MED8: variants seen among roughly 807,000 people sequenced by gnomAD.
MED8 encodes the protein mediator complex subunit 8, also known as mediator of RNA polymerase II transcription subunit 8.
MED8 carries 22 observed loss-of-function variants against 34.8 expected under a neutral mutation model. The observed-to-expected ratio is 0.63, with a 90% confidence interval of 0.45 to 0.90. The LOEUF (loss-of-function observed/expected upper bound fraction) is 0.90, where lower values mean the gene tolerates loss of function less well. Ranked by LOEUF, MED8 falls within the 40% of genes least tolerant of loss-of-function variation. MED8 has a pLI of 0.00. For missense variants in MED8, 260 were observed against 326.3 expected, an observed-to-expected ratio of 0.80 and a Z score of 1.57; for synonymous variants, 105 against 120.2, an observed-to-expected ratio of 0.87 and a Z score of 0.83.
chr1:43,384,640 C>G lies in MED8; in HGVS notation c.*402G>C, dbSNP rs1647662881. On this transcript the variant is annotated 3_prime_UTR_variant, in exon 7 of 7. Coordinates refer to ENST00000372457, the MANE Select transcript of MED8 (RefSeq NM_201542.5). ...AGCATAGCCTTATTTGATCTTGTGTCCATCAGCTCACCATTGACGTGAGGC... is the reference window on the plus strand; with the variant it reads ...AGCATAGCCTTATTTGATCTTGTGTGCATCAGCTCACCATTGACGTGAGGC... 1 of 1,492,676 alleles carries G rather than the reference C, an allele frequency of 6.7e-7. No homozygotes were observed. The highest frequency in any genetic ancestry group is 2.5e-5 in the Admixed American group (1 of 40,580). 92.5% of individuals were successfully genotyped at this position (1,492,676 alleles called of 1,614,324 possible). A position where few individuals can be genotyped will look rare whatever the true frequency, so the allele number is the denominator to read the frequency against.
chr1:43,385,764 T>A (rs1647705729), intron 6 of MED8: 1 of 644,330 alleles, frequency 1.6e-6, no homozygotes, highest in Non-Finnish European at 2.6e-6. Context: ...ATTGGAGCAG[T>A]TTCTGTTACT....
chr1:43,385,388 G>A, intron 6 of MED8: 2 of 387,056 alleles, frequency 5.2e-6, no homozygotes, highest in Non-Finnish European at 9.3e-6. Flanking sequence ...AGGTAAAAGA[G>A]TACTATGTTC....
At chr1:43,389,737 G>A (rs755877172) in intron 1 of MED8, 22 bp downstream of exon 1, 1 of 1,604,778 alleles carries the variant, frequency 6.2e-7, no homozygotes, top group Non-Finnish European at 8.5e-7. Flanking sequence ...CCAGCCGCTA[G>A]TACGCCCAAC....
In MED8 at chr1:43,384,073, G is replaced by T. The variant is rs1200582743; in HGVS notation, c.*969C>A. 2.3e-5 allele frequency: 4 copies of T among 171,320 alleles called. No homozygotes were observed. Among genetic ancestry groups the T allele is most frequent in the African/African-American group, 9.5e-5 (4 of 42,170 alleles). 10.6% of individuals were successfully genotyped at this position (171,320 alleles called of 1,614,324 possible). ...ATAAAAGCAGGCAAAGCTACTGGGG[G>T]TTGCCCCCTCCCACCATCATTCTGG... On this transcript the variant is annotated 3_prime_UTR_variant, in exon 7 of 7. Transcript: ENST00000372457.
At position 43,386,681 on chromosome 1, in the gene MED8, C is replaced by A. The variant is rs372178569; in HGVS notation, c.412-11G>T. 66 of 1,605,926 alleles carry A rather than the reference C, an allele frequency of 4.1e-5. No homozygotes were observed. The highest frequency in any genetic ancestry group is 5.0e-5 in the Non-Finnish European group (59 of 1,175,952). ...GCTCTGGATCTGCTTCTGTAACACA[C>A]AAATTTGTGCAGAGATTAGGGTAAC... On this transcript the variant is annotated splice_polypyrimidine_tract_variant and intron_variant, in intron 4 of 6. Coordinates refer to ENST00000372457, the MANE Select transcript of MED8 (RefSeq NM_201542.5). This position sits in a 1 kb window ranked among gnomAD's most constrained non-coding sequence, Gnocchi z 4.9.
Position 43,385,103 on chromosome 1 carries a change from T to C in MED8, c.746A>G (p.Lys249Arg), listed in dbSNP as rs1344724969. The change falls in exon 7 of 7, where the codon AAA becomes AGA. Residue 249 changes from lysine to arginine, a missense_variant. Physicochemically the swap from Lys to Arg is conservative, Grantham distance 26 (BLOSUM62 2). Coordinates refer to ENST00000372457, the MANE Select transcript of MED8 (RefSeq NM_201542.5). ...GTTGGTTTTTATTCCACTTGGCATT[T>C]TCCCTGAAAGGAACATTAAAAAAGT... ...VQMAQAGQPG[K>R]MPSGIKTNIK... 6.4e-7 allele frequency: 1 copy of C among 1,554,400 alleles called. No individual in the cohort carries two copies. Among genetic ancestry groups the C allele is most frequent in the Admixed American group, 2.0e-5 (1 of 51,236 alleles).
At chr1:43,387,348 C>G (rs1163883542) in intron 3 of MED8, among the ~76,000 whole-genome samples, 155 bp downstream of exon 3, 1 of 152,186 alleles carries the variant, frequency 6.6e-6, no homozygotes, top group Non-Finnish European at 1.5e-5. Flanking sequence ...TATTACAGCA[C>G]TATTTGGGAG....
chr1:43,385,440 T>C (rs950027487), intron 6 of MED8: 28 of 269,428 alleles, frequency 1.0e-4, no homozygotes, highest in Middle Eastern at 1.2e-3. Context: ...AAGTGCAGAA[T>C]CTCTCTTTAA....
intron 1 of MED8, chr1:43,388,687 T>G (rs1308688819): frequency 2.2e-6 from 1 of 456,860 alleles, no homozygotes. Flanking sequence ...AATCTATGCC[T>G]GGTTTTTCTC....
chr1:43,388,799 G>C (rs1647895629), intron 1 of MED8: 1 of 170,922 alleles, frequency 5.9e-6, no homozygotes, highest in African/African-American at 2.4e-5. Flanking sequence ...ATGCACTCCA[G>C]CTTCCTCCAT....
In MED8 at chr1:43,386,168, A is replaced by G. The variant is rs151047789; in HGVS notation, c.552T>C (p.Ala184=). ...NPTDTNALVA[A]VAFGKGLSNW... is the part of the protein sequence containing the mutation. ...TAGATAGTCCTTTCCCAAAGGCAAC[A>G]GCTGCCACCAAGGCATTAGTGTCTG... The change falls in exon 6 of 7, where the codon GCT becomes GCC. Residue 184 remains alanine (A), a synonymous_variant. Coordinates refer to ENST00000372457, the MANE Select transcript of MED8 (RefSeq NM_201542.5). The surrounding 1 kb of genome is among the most constrained non-coding windows in gnomAD (Gnocchi z 4.9). 1.9e-4 allele frequency: 314 copies of G among 1,614,062 alleles called. 1 individual carries two copies. The highest frequency in any genetic ancestry group is 2.4e-4 in the Non-Finnish European group (289 of 1,179,900).
Position 43,386,300 on chromosome 1 carries a change from A to T in MED8, c.494-74T>A, listed in dbSNP as rs1289655802. On this transcript the variant is annotated intron_variant, in intron 5 of 6. Coordinates refer to ENST00000372457, the MANE Select transcript of MED8 (RefSeq NM_201542.5). This position sits in a 1 kb window ranked among gnomAD's most constrained non-coding sequence, Gnocchi z 4.9. ...TGAACGTGGCAGCTGGAAGACCAGT[A>T]TGAGTGCCAGGGTTTGGAGTTCTGA... The T allele has an allele frequency of 1.3e-6, 2 of 1,544,716 alleles. No individual in the cohort carries two copies. The highest frequency in any genetic ancestry group is 1.7e-6 in the Non-Finnish European group (2 of 1,148,158).
chr1:43,385,935 C>G, intron 6 of MED8, 43 bp downstream of exon 6: 1 of 1,612,764 alleles, frequency 6.2e-7, no homozygotes. Flanking sequence ...TTCCCTCCCA[C>G]TCCTGCTCAA....
rs1647669222 is a variant in MED8, at chr1:43,384,727, G to T, written c.*315C>A. 7.0e-7 allele frequency: 1 copy of T among 1,437,074 alleles called. No individual in the cohort carries two copies. Among genetic ancestry groups the T allele is most frequent in the Non-Finnish European group, 9.1e-7 (1 of 1,099,090 alleles). The allele number at this position is 1,437,074 out of a possible 1,614,324, so 89.0% of individuals were successfully genotyped here. A position where few individuals can be genotyped will look rare whatever the true frequency, so the allele number is the denominator to read the frequency against. Reference sequence around the variant, plus strand: ...TGGAGGGTGGTGGGGAGAAGGATCTGTAGAAACTATCATTTATTGAATACC... The same window carrying T: ...TGGAGGGTGGTGGGGAGAAGGATCTTTAGAAACTATCATTTATTGAATACC... On this transcript the variant is annotated 3_prime_UTR_variant, in exon 7 of 7. Transcript: ENST00000372457.
rs983684733 is a variant in MED8 at position 43,384,913 on chromosome 1, G to A, written c.*129C>T. On this transcript the variant is annotated 3_prime_UTR_variant, in exon 7 of 7. Transcript: ENST00000372457. ...GTCACACAGCTAGTCAGTGGTGGAA[G>A]TGGGATTTGTCTGCTGCTGAAAGCC... 1.4e-6 allele frequency: 2 copies of A among 1,441,282 alleles called. No homozygotes were observed. The highest frequency in any genetic ancestry group is 1.4e-5 in the African/African-American group (1 of 69,686). The allele number at this position is 1,441,282 out of a possible 1,614,324, so 89.3% of individuals were successfully genotyped here. A position where few individuals can be genotyped will look rare whatever the true frequency, so the allele number is the denominator to read the frequency against.
At chr1:43,388,696 T>A (rs1447782824) in intron 1 of MED8, 4 of 433,436 alleles carry the variant, frequency 9.2e-6, no homozygotes, top group East Asian at 4.3e-5. Flanking sequence ...CTGGTTTTTC[T>A]CTGTGTTAGG....
Position 43,386,461 on chromosome 1 carries a change from CAG to C in MED8, c.493+126_493+127del. 1.7e-6 allele frequency: 2 copies of C among 1,152,708 alleles called. No individual in the cohort carries two copies. Among genetic ancestry groups the C allele is most frequent in the South Asian group, 2.9e-5 (2 of 69,260 alleles). 71.4% of individuals were successfully genotyped at this position (1,152,708 alleles called of 1,614,324 possible). On this transcript the variant is annotated intron_variant, in intron 5 of 6. Coordinates refer to ENST00000372457, the MANE Select transcript of MED8 (RefSeq NM_201542.5). The surrounding 1 kb of genome is among the most constrained non-coding windows in gnomAD (Gnocchi z 4.9). ...GCTGGCCTTAAATACAAAAGGCTAA[CAG>C]AATGGATACAAACCCCAAAGCAGTT...
At chr1:43,389,583 T>G (rs1195415686) in intron 1 of MED8, among the ~76,000 whole-genome samples, 176 bp downstream of exon 1, 1 of 151,944 alleles carries the variant, frequency 6.6e-6, no homozygotes, top group East Asian at 1.9e-4. Flanking sequence ...CACCCCCACC[T>G]CTAATCGCCG....
At position 43,386,149 on chromosome 1, in the gene MED8, G is replaced by C. The variant is rs1461967210; in HGVS notation, c.571C>G (p.Leu191Val). 1.9e-6 allele frequency: 3 copies of C among 1,614,034 alleles called. No individual in the cohort carries two copies. The highest frequency in any genetic ancestry group is 2.5e-6 in the Non-Finnish European group (3 of 1,179,896). ...CTGCCTGAAGGTCTCCAATTAGATA[G>C]TCCTTTCCCAAAGGCAACAGCTGCC... is the stretch of plus-strand genomic sequence containing the variant. ...LVAAVAFGKG[L>V]SNWRPSGSSG... The change falls in exon 6 of 7, where the codon CTA (leucine) becomes GTA (valine). Residue 191 changes from leucine to valine, a missense_variant. Transcript: ENST00000372457. This position sits in a 1 kb window ranked among gnomAD's most constrained non-coding sequence, Gnocchi z 4.9.
Sources: allele counts gnomAD v4.1 joint callset (sites outside exome capture counted in the v4.1 genomes callset), GRCh38; gene constraint gnomAD v4.1.1; non-coding constraint Gnocchi (gnomAD v3.1); transcripts MANE v1.5; gene names NCBI Gene and HGNC (gene_info 2026-07-23, HGNC 2026-07-21).